IKZF1: variants seen among roughly 807,000 people sequenced by gnomAD.
The protein encoded by IKZF1 is IKAROS family zinc finger 1, also known as DNA-binding protein Ikaros.
Under a neutral mutation model 51.7 loss-of-function variants are expected in IKZF1, and 10 were observed. That is an observed-to-expected ratio of 0.19 (90% CI 0.12 to 0.33). IKZF1 has a LOEUF of 0.33. IKZF1 is among the 10% of genes least tolerant of loss of function. The pLI is 1.00. For synonymous variants in IKZF1, 280 were observed against 282.3 expected, an observed-to-expected ratio of 0.99 and a Z score of 0.08; for missense variants, 484 against 707.5, an observed-to-expected ratio of 0.68 and a Z score of 3.58.
chr7:50,341,273 A>G (rs1799002684), intron 3 of IKZF1, among the ~76,000 whole-genome samples: 3 of 151,508 alleles, frequency 2.0e-5, no homozygotes. Flanking sequence ...CCTCCCAAGC[A>G]GCTGGGATTA....
At chr7:50,305,507 A>G (rs748534596) in intron 1 of IKZF1, among the ~76,000 whole-genome samples, 10 of 152,206 alleles carry the variant, frequency 6.6e-5, no homozygotes, top group Non-Finnish European at 1.5e-4. Flanking sequence ...GCTGATGCCT[A>G]AGGAACCTCG....
chr7:50,348,611 A>C (rs1800994900), intron 3 of IKZF1, among the ~76,000 whole-genome samples: 1 of 152,224 alleles, frequency 6.6e-6, no homozygotes, highest in South Asian at 2.1e-4. Flanking sequence ...ACAGGCCACC[A>C]TTTTGTTTCG....
intron 3 of IKZF1, among the ~76,000 whole-genome samples, chr7:50,354,340 C>G (rs1346333950): frequency 6.6e-6 from 1 of 152,206 alleles, no homozygotes; most frequent in East Asian, 1.9e-4. Flanking sequence ...CCCCCACTAG[C>G]CAGGGCAGCC....
intron 3 of IKZF1, among the ~76,000 whole-genome samples, chr7:50,347,510 G>A (rs1006052426): frequency 1.3e-5 from 2 of 152,090 alleles, no homozygotes; most frequent in Non-Finnish European, 2.9e-5. Flanking sequence ...TGCCTAAAGT[G>A]GGCAAAAATC....
At chr7:50,389,303 G>T (rs919001127) in intron 6 of IKZF1, among the ~76,000 whole-genome samples, 1 of 152,234 alleles carries the variant, frequency 6.6e-6, no homozygotes, top group African/African-American at 2.4e-5. Context: ...GGATGTTTAG[G>T]TCACTGACAT....
chr7:50,354,300 G>A (rs966959654), intron 3 of IKZF1, among the ~76,000 whole-genome samples: 7 of 152,252 alleles, frequency 4.6e-5, no homozygotes, highest in African/African-American at 9.6e-5. Context: ...GGTTACTGCT[G>A]TGGGTGCCCG....
intron 3 of IKZF1, among the ~76,000 whole-genome samples, chr7:50,359,690 G>A (rs1479021068): frequency 1.3e-5 from 2 of 152,254 alleles, no homozygotes; most frequent in Non-Finnish European, 2.9e-5. Context: ...ACACATGTGT[G>A]TGCACCAGTG....
In IKZF1 at chr7:50,404,311, T is replaced by A. The variant is rs1341126811; in HGVS notation, c.*3684T>A. On this transcript the variant is annotated 3_prime_UTR_variant, in exon 8 of 8. Coordinates refer to ENST00000331340, the MANE Select transcript of IKZF1 (RefSeq NM_006060.6). The stretch of plus-strand genomic sequence containing the variant: ...TCATATTTCCAGTCTGCCTCTATGA[T>A]GATGTTAAATTATTGCTGTTTAGCT... 4.5e-6 allele frequency: 1 copy of A among 223,766 alleles called. No individual in the cohort carries two copies. The highest frequency in any genetic ancestry group is 2.2e-5 in the African/African-American group (1 of 44,780). 13.9% of individuals were successfully genotyped at this position (223,766 alleles called of 1,614,324 possible). A position where few individuals can be genotyped will look rare whatever the true frequency, so the allele number is the denominator to read the frequency against.
At chr7:50,395,012 C>T (rs58879795) in intron 7 of IKZF1, among the ~76,000 whole-genome samples, 5,287 of 152,162 alleles carry the variant, frequency 0.035, 308 homozygotes, top group African/African-American at 0.12. Context: ...TTCCTGCTAC[C>T]CATTATAATT....
upstream of IKZF1, among the ~76,000 whole-genome samples, chr7:50,303,676 C>T (rs970189701): frequency 6.6e-6 from 1 of 152,068 alleles, no homozygotes; most frequent in Non-Finnish European, 1.5e-5. This position sits in a 1 kb window ranked among gnomAD's most constrained non-coding sequence, Gnocchi z 4.7. Flanking sequence ...GGCCCCAGTT[C>T]CAGGGACGTG....
chr7:50,353,693 G>A (rs1016268043), intron 3 of IKZF1, among the ~76,000 whole-genome samples: 1 of 152,204 alleles, frequency 6.6e-6, no homozygotes, highest in Non-Finnish European at 1.5e-5. Flanking sequence ...ATCTTCAACT[G>A]TGTCCTTTTT....
intron 3 of IKZF1, among the ~76,000 whole-genome samples, chr7:50,364,095 C>T (rs986618520): frequency 1.5e-4 from 23 of 152,300 alleles, no homozygotes; most frequent in African/African-American, 4.8e-4. Context: ...TACCTTTAGA[C>T]AGATTTTCCC....
chr7:50,306,721 G>A (rs1479936759), intron 1 of IKZF1, among the ~76,000 whole-genome samples: 1 of 152,240 alleles, frequency 6.6e-6, no homozygotes, highest in African/African-American at 2.4e-5. Context: ...CTAAAGCCCT[G>A]TTGTACTGCA....
At chr7:50,331,827 T>C (rs1796502613) in intron 3 of IKZF1, among the ~76,000 whole-genome samples, 1 of 152,186 alleles carries the variant, frequency 6.6e-6, no homozygotes, top group Non-Finnish European at 1.5e-5. Flanking sequence ...TCCATTTTCT[T>C]CCCGGTCTGA....
At chr7:50,333,647 T>C (rs1001332133) in intron 3 of IKZF1, among the ~76,000 whole-genome samples, 1 of 152,232 alleles carries the variant, frequency 6.6e-6, no homozygotes, top group South Asian at 2.1e-4. Context: ...AGCCGAGAAC[T>C]GTTTGCCGAA....
At chr7:50,334,664 G>A (rs1797211505) in intron 3 of IKZF1, among the ~76,000 whole-genome samples, 2 of 150,458 alleles carry the variant, frequency 1.3e-5, no homozygotes, top group African/African-American at 4.9e-5. Context: ...TATGTAGTGT[G>A]TATATGTGTG....
chr7:50,388,376 C>T (rs1018392977), intron 6 of IKZF1: 2 of 152,172 alleles, frequency 1.3e-5, no homozygotes, highest in African/African-American at 4.8e-5. Flanking sequence ...GAAAATTCAC[C>T]AGAGTACCCT....
chr7:50,336,289 G>A (rs1797766076), intron 3 of IKZF1, among the ~76,000 whole-genome samples: 1 of 150,516 alleles, frequency 6.6e-6, no homozygotes, highest in Admixed American at 6.6e-5. Context: ...AGGGTGCAGA[G>A]GGAGGGGATG....
intron 7 of IKZF1, among the ~76,000 whole-genome samples, chr7:50,395,136 C>T (rs967331526): frequency 6.6e-6 from 1 of 152,134 alleles, no homozygotes; most frequent in African/African-American, 2.4e-5. Flanking sequence ...CAAATCACCA[C>T]AAAACCCAAC....
Sources: gnomAD v4.1 joint callset for allele counts (sites outside exome capture counted in the v4.1 genomes callset) on GRCh38, gnomAD v4.1.1 for gene constraint, Gnocchi (gnomAD v3.1) non-coding constraint, MANE v1.5 for transcripts, NCBI Gene and HGNC (gene_info 2026-07-23, HGNC 2026-07-21) for gene names.